Variants in SLCO4C1 observed in about 807,000 individuals in gnomAD.
SLCO4C1 encodes organic anion transporter M1.
In SLCO4C1, 58 loss-of-function variants were observed where a neutral mutation model predicts 72.1. That is an observed-to-expected ratio of 0.80 (90% CI 0.65 to 1.00). SLCO4C1 has a LOEUF of 1.00. Among genes scored for constraint, SLCO4C1 ranks in the 50% least tolerant of loss-of-function variants. The pLI is 0.00. For synonymous variants in SLCO4C1, 297 were observed against 312.5 expected, an observed-to-expected ratio of 0.95 and a Z score of 0.52; for missense variants, 898 against 857.9, an observed-to-expected ratio of 1.05 and a Z score of -0.58.
At chr5:102,288,975 T>C (rs1315958114) in intron 2 of SLCO4C1, among the ~76,000 whole-genome samples, 1 of 152,214 alleles carries the variant, frequency 6.6e-6, no homozygotes, top group African/African-American at 2.4e-5. Context: ...ACTGGTGTTA[T>C]CTCAACACCA....
intron 2 of SLCO4C1, among the ~76,000 whole-genome samples, chr5:102,276,185 T>C (rs1749243435): frequency 6.6e-6 from 1 of 152,118 alleles, no homozygotes; most frequent in South Asian, 2.1e-4. Flanking sequence ...GAATAGTAAA[T>C]ATTGGCCCTG....
intron 3 of SLCO4C1, among the ~76,000 whole-genome samples, chr5:102,266,327 T>G (rs1749037841): frequency 6.6e-6 from 1 of 152,168 alleles, no homozygotes; most frequent in South Asian, 2.1e-4. Flanking sequence ...GAATAGGACT[T>G]CCAGTACCAT....
intron 8 of SLCO4C1, among the ~76,000 whole-genome samples, chr5:102,252,047 G>A (rs931102080): frequency 6.6e-6 from 1 of 150,526 alleles, no homozygotes. Context: ...AAGGAAGGGA[G>A]AAAAGCGAGA....
At chr5:102,287,152 T>C (rs891894923) in intron 2 of SLCO4C1, among the ~76,000 whole-genome samples, 1 of 143,460 alleles carries the variant, frequency 7.0e-6, no homozygotes, top group Admixed American at 6.8e-5. Context: ...CCCTTGCCTC[T>C]AATTAATTTA....
At chr5:102,286,908 GT>G (rs906641522) in intron 2 of SLCO4C1, among the ~76,000 whole-genome samples, 2 of 151,800 alleles carry the variant, frequency 1.3e-5, no homozygotes, top group Non-Finnish European at 2.9e-5. Flanking sequence ...CATATTTTAT[GT>G]TTTTTTCTAC....
Position 102,239,349 on chromosome 5 carries a change from T to C in SLCO4C1, c.1916A>G (p.Asp639Gly). Residue 639 changes from aspartate (D) to glycine (G), a missense_variant, in exon 12 of 13, where the codon GAC (aspartate) becomes GGC (glycine). By Grantham distance (94) the Asp-to-Gly change is moderately conservative (BLOSUM62 -1). Coordinates refer to ENST00000310954, the MANE Select transcript of SLCO4C1 (RefSeq NM_180991.5). ...PGPIIFGFTI[D>G]STCILWDIND... ...TATATCCCAAAGAATACATGTGCTG[T>C]CTATTGTGAAACCAAATATAATTGG... 6.3e-7 allele frequency: 1 copy of C among 1,598,594 alleles called. No homozygotes were observed. The highest frequency in any genetic ancestry group is 1.1e-5 in the South Asian group (1 of 87,142).
intron 10 of SLCO4C1, among the ~76,000 whole-genome samples, chr5:102,246,236 T>G (rs1748633836): frequency 6.6e-6 from 1 of 150,874 alleles, no homozygotes; most frequent in Non-Finnish European, 1.5e-5. Context: ...CAATGAAAAA[T>G]TAAACAAAAT....
intron 9 of SLCO4C1, among the ~76,000 whole-genome samples, chr5:102,249,056 C>T (rs1320548622): frequency 2.6e-5 from 4 of 152,106 alleles, no homozygotes; most frequent in Admixed American, 2.6e-4. Flanking sequence ...TACTAAGTTT[C>T]TATTATATAA....
chr5:102,251,306 A>G (rs1199560423), intron 8 of SLCO4C1, among the ~76,000 whole-genome samples: 1 of 152,224 alleles, frequency 6.6e-6, no homozygotes, highest in Non-Finnish European at 1.5e-5. Flanking sequence ...AATTTGAAGA[A>G]AGGGGACCAG....
At chr5:102,260,001 C>T (rs1283281300) in intron 6 of SLCO4C1, among the ~76,000 whole-genome samples, 1 of 151,528 alleles carries the variant, frequency 6.6e-6, no homozygotes, top group Non-Finnish European at 1.5e-5. Flanking sequence ...GAAAAGATGG[C>T]ATGTGTGTTT....
At chr5:102,274,993 A>G (rs535482181) in intron 2 of SLCO4C1, among the ~76,000 whole-genome samples, 2 of 152,166 alleles carry the variant, frequency 1.3e-5, no homozygotes, top group Non-Finnish European at 2.9e-5. Context: ...GAAAGATGTC[A>G]TAAGAAAAAA....
At chr5:102,272,965 A>G (rs1749181048) in intron 2 of SLCO4C1, among the ~76,000 whole-genome samples, 1 of 151,492 alleles carries the variant, frequency 6.6e-6, no homozygotes, top group African/African-American at 2.4e-5. Context: ...AGAAAGAAAG[A>G]AAGAAATGCA....
intron 2 of SLCO4C1, among the ~76,000 whole-genome samples, chr5:102,287,797 G>T (rs982817166): frequency 2.0e-5 from 3 of 151,684 alleles, no homozygotes; most frequent in African/African-American, 7.3e-5. Flanking sequence ...CTTGTGATCC[G>T]CCCACCTTGG....
At chr5:102,295,887 C>T in intron 1 of SLCO4C1, 21 bp downstream of exon 1, 2 of 1,596,676 alleles carry the variant, frequency 1.3e-6, no homozygotes, top group African/African-American at 2.7e-5. Flanking sequence ...GCCCGAGCCT[C>T]AAGCGGGCGC....
chr5:102,270,643 G>A lies in SLCO4C1; in HGVS notation c.783C>T (p.His261=). ...ACTTACCTATATAGAGAGAAGACTT[G>A]TGTGTGGGCACAGAATCATCAAGAA... ...TAFLDDSVPT[H]KSSLYIGTGY... is the part of the protein sequence containing the mutation. Residue 261 remains histidine (H), a synonymous_variant, in exon 3 of 13, where the codon CAC becomes CAT. Transcript: ENST00000310954. The A allele has an allele frequency of 6.2e-7, 1 of 1,611,580 alleles. No homozygotes were observed. The highest frequency in any genetic ancestry group is 1.3e-5 in the African/African-American group (1 of 74,904).
In SLCO4C1 at chr5:102,240,709, A is replaced by G. The variant is rs767794854; in HGVS notation, c.1876+9T>C. On this transcript the variant is annotated intron_variant, in intron 11 of 12. Coordinates refer to ENST00000310954, the MANE Select transcript of SLCO4C1 (RefSeq NM_180991.5). ...AACAGTTAGCAATGAATAAAGAAAAATGGCATACCTAATAATCGAAGGACC... is the reference window on the plus strand; with the variant it reads ...AACAGTTAGCAATGAATAAAGAAAAGTGGCATACCTAATAATCGAAGGACC... The G allele has an allele frequency of 6.2e-7, 1 of 1,607,286 alleles. No homozygotes were observed.
intron 2 of SLCO4C1, among the ~76,000 whole-genome samples, chr5:102,288,866 A>G (rs541562378): frequency 6.6e-6 from 1 of 152,202 alleles, no homozygotes; most frequent in African/African-American, 2.4e-5. Flanking sequence ...TTGTCTCTTT[A>G]CCCACTCACC....
At chr5:102,265,982 T>A (rs1356982641) in intron 3 of SLCO4C1, among the ~76,000 whole-genome samples, 1 of 152,178 alleles carries the variant, frequency 6.6e-6, no homozygotes, top group Non-Finnish European at 1.5e-5. Context: ...TGTTTTCAGT[T>A]TCTGTCATCA....
intron 1 of SLCO4C1, 34 bp from the exon 2 acceptor site, chr5:102,291,640 T>C (rs1749554800): frequency 6.5e-7 from 1 of 1,527,306 alleles, no homozygotes. Context: ...GCATCATTAA[T>C]ATTTTACCAT....
Sources: allele counts gnomAD v4.1 joint callset (sites outside exome capture counted in the v4.1 genomes callset), GRCh38; gene constraint gnomAD v4.1.1; transcripts MANE v1.5; gene names NCBI Gene and HGNC (gene_info 2026-07-23, HGNC 2026-07-21).